The following GRM7 variants were observed in gnomAD, a reference collection of about 807,000 sequenced individuals.
GRM7 encodes metabotropic glutamate receptor 7.
In GRM7, 35 loss-of-function variants were observed where a neutral mutation model predicts 84.5. The ratio of observed to expected loss-of-function variants is 0.41; its 90% CI spans 0.32 to 0.55. The LOEUF (loss-of-function observed/expected upper bound fraction) is 0.55. GRM7 is among the 20% of genes least tolerant of loss of function. GRM7 has a pLI of 0.19. For synonymous variants in GRM7, 487 were observed against 455.1 expected (o/e 1.07, Z -0.89); for missense variants, 1,003 against 1,194.6 (o/e 0.84, Z 2.36).
In GRM7 at chr3:7,452,709, A is replaced by G. The variant is rs763798098; in HGVS notation, c.1277A>G (p.Asn426Ser). ...ATGGCTCACGCCCTTCACCACATGA[A>G]CAAGGATCTCTGTGCTGACTACCGG... Reference protein sequence around the residue: ...YAMAHALHHMNKDLCADYRGV... With the variant: ...YAMAHALHHMSKDLCADYRGV... Residue 426 changes from asparagine (N) to serine (S), a missense_variant, in exon 6 of 10, where the codon AAC becomes AGC. By Grantham distance (46) the Asn-to-Ser change is conservative. Coordinates refer to ENST00000357716, the MANE Select transcript of GRM7 (RefSeq NM_000844.4). The G allele has an allele frequency of 3.7e-6, 6 of 1,613,296 alleles. No homozygotes were observed. The highest frequency in any genetic ancestry group is 5.1e-6 in the Non-Finnish European group (6 of 1,179,510).
chr3:7,557,455 A>T (rs912857162), intron 7 of GRM7, among the ~76,000 whole-genome samples: 3 of 152,170 alleles, frequency 2.0e-5, no homozygotes, highest in African/African-American at 7.2e-5. Context: ...GTATTTGTCA[A>T]GTGAAAAACA....
chr3:7,095,887 A>C (rs1264784030), intron 1 of GRM7, among the ~76,000 whole-genome samples: 1 of 152,144 alleles, frequency 6.6e-6, no homozygotes, highest in Non-Finnish European at 1.5e-5. Flanking sequence ...AAAGAAGCCT[A>C]TGAGAAAAAT....
chr3:7,609,382 A>G (rs993922541), intron 8 of GRM7, among the ~76,000 whole-genome samples: 14 of 151,734 alleles, frequency 9.2e-5, no homozygotes, highest in African/African-American at 3.4e-4. Flanking sequence ...TAGTATATAG[A>G]TAGGGATATC....
Position 7,086,117 on chromosome 3 carries a change from C to G in GRM7, c.520-60335C>G, listed in dbSNP as rs61574618. ...TGATTGCTAAGCACAACCACAGACACTAGCAGTCATTAGGCACATTAGCAT... is the reference window on the plus strand; with the variant it reads ...TGATTGCTAAGCACAACCACAGACAGTAGCAGTCATTAGGCACATTAGCAT... On this transcript the variant is annotated intron_variant, in intron 1 of 9. Coordinates refer to ENST00000357716, the MANE Select transcript of GRM7 (RefSeq NM_000844.4). Among the ~76,000 whole-genome samples, 1,472 of 152,216 alleles carry G rather than the reference C, an allele frequency of 9.7e-3. 16 individuals are homozygous for G. The highest frequency in any genetic ancestry group is 0.033 in the African/African-American group (1,369 of 41,540).
intron 1 of GRM7, among the ~76,000 whole-genome samples, chr3:7,008,717 G>T (rs377511256): frequency 2.0e-5 from 3 of 152,194 alleles, no homozygotes; most frequent in East Asian, 3.9e-4. Context: ...TTTGGGGCCA[G>T]AAGTGGCTTT....
At chr3:7,542,446 T>A (rs984667370) in intron 7 of GRM7, among the ~76,000 whole-genome samples, 1 of 152,210 alleles carries the variant, frequency 6.6e-6, no homozygotes. Flanking sequence ...ATTTAAGATT[T>A]CACCTCCTCT....
At chr3:6,927,455 A>AAGAG (rs141330905) in intron 1 of GRM7, among the ~76,000 whole-genome samples, 14 of 101,682 alleles carry the variant, frequency 1.4e-4, no homozygotes, top group East Asian at 5.1e-4. Flanking sequence ...AGAAGAAAGA[A>AAGAG]AGAGAGAGAG....
chr3:7,022,762 G>A (rs984974665), intron 1 of GRM7, among the ~76,000 whole-genome samples: 3 of 152,032 alleles, frequency 2.0e-5, no homozygotes, highest in East Asian at 1.9e-4. Context: ...CAGAAACAGG[G>A]GTCGTCTTTG....
chr3:7,143,269 G>A (rs1694007857), intron 1 of GRM7, among the ~76,000 whole-genome samples: 1 of 152,142 alleles, frequency 6.6e-6, no homozygotes, highest in African/African-American at 2.4e-5. Flanking sequence ...AACTAAACAT[G>A]AAGCATAATA....
At chr3:6,959,833 T>C (rs550952967) in intron 1 of GRM7, among the ~76,000 whole-genome samples, 3 of 152,174 alleles carry the variant, frequency 2.0e-5, no homozygotes, top group Non-Finnish European at 2.9e-5. Flanking sequence ...AAATGTGGTG[T>C]CTCTACTGGG....
intron 8 of GRM7, among the ~76,000 whole-genome samples, chr3:7,631,554 G>C (rs987547479): frequency 6.6e-6 from 1 of 152,168 alleles, no homozygotes; most frequent in African/African-American, 2.4e-5. Flanking sequence ...AGAGATACCT[G>C]CCTTCATGAA....
chr3:7,050,679 CA>C (rs199806037), intron 1 of GRM7, among the ~76,000 whole-genome samples: 1 of 151,886 alleles, frequency 6.6e-6, no homozygotes, highest in African/African-American at 2.4e-5. Flanking sequence ...TGGGGAGCCA[CA>C]AAAGTTTATT....
chr3:7,122,192 T>C (rs1160552814), intron 1 of GRM7, among the ~76,000 whole-genome samples: 2 of 152,190 alleles, frequency 1.3e-5, no homozygotes, highest in Admixed American at 6.5e-5. Context: ...TGTTCACCTG[T>C]AGTTGTGGCT....
chr3:6,964,627 A>G (rs1344847666), intron 1 of GRM7, among the ~76,000 whole-genome samples: 1 of 152,218 alleles, frequency 6.6e-6, no homozygotes, highest in Non-Finnish European at 1.5e-5. Flanking sequence ...CAAGTCTCCC[A>G]TCTGCAATTA....
chr3:7,060,542 A>C (rs751003946), intron 1 of GRM7, among the ~76,000 whole-genome samples: 8 of 151,800 alleles, frequency 5.3e-5, no homozygotes, highest in Non-Finnish European at 8.8e-5. Flanking sequence ...AGAAGGAAAC[A>C]CTGGGGAAGA....
intron 8 of GRM7, among the ~76,000 whole-genome samples, chr3:7,623,544 A>G (rs1372537284): frequency 6.6e-6 from 1 of 152,160 alleles, no homozygotes; most frequent in Non-Finnish European, 1.5e-5. Flanking sequence ...GAATGCACAC[A>G]AAGAAGCAAT....
At chr3:7,328,980 C>T (rs927466183) in intron 4 of GRM7, among the ~76,000 whole-genome samples, 19 of 152,096 alleles carry the variant, frequency 1.2e-4, no homozygotes, top group Admixed American at 2.6e-4. Flanking sequence ...CATAACTTTA[C>T]GTTTTCTGAG....
intron 4 of GRM7, among the ~76,000 whole-genome samples, chr3:7,374,292 C>T (rs1297051945): frequency 6.6e-6 from 1 of 151,616 alleles, no homozygotes; most frequent in Non-Finnish European, 1.5e-5. Context: ...GCGATTTTCC[C>T]ACCTCAGTCT....
intron 4 of GRM7, among the ~76,000 whole-genome samples, chr3:7,380,173 G>T (rs1169304559): frequency 6.6e-6 from 1 of 152,132 alleles, no homozygotes; most frequent in East Asian, 1.9e-4. Flanking sequence ...GAGAAATAAA[G>T]AATTGTTCAG....
Sources: allele counts gnomAD v4.1 joint callset (sites outside exome capture counted in the v4.1 genomes callset), GRCh38; gene constraint gnomAD v4.1.1; transcripts MANE v1.5; gene names NCBI Gene and HGNC (gene_info 2026-07-23, HGNC 2026-07-21).